The following RARB variants were observed in gnomAD, a reference collection of about 807,000 sequenced individuals.
RARB encodes retinoic acid receptor beta.
RARB carries 17 observed loss-of-function variants against 51.9 expected under a neutral mutation model. That is an observed-to-expected ratio of 0.33 (90% CI 0.22 to 0.49). The LOEUF (loss-of-function observed/expected upper bound fraction) is 0.49. Among genes scored for constraint, RARB ranks in the 20% least tolerant of loss-of-function variants. The pLI is 0.99. For missense variants in RARB, 369 were observed against 550.8 expected, an observed-to-expected ratio of 0.67 and a Z score of 3.30; for synonymous variants, 215 against 195.4, an observed-to-expected ratio of 1.10 and a Z score of -0.84.
chr3:25,585,525 A>ATTGTGCTG (rs1187002767), intron 5 of RARB, among the ~76,000 whole-genome samples: 2 of 152,256 alleles, frequency 1.3e-5, no homozygotes, highest in Non-Finnish European at 2.9e-5. Flanking sequence ...AAATTAAACC[A>ATTGTGCTG]TGTGGGAACA....
chr3:24,999,234 A>G (rs2125274051), intron 2 of RARB, among the ~76,000 whole-genome samples: 1 of 152,308 alleles, frequency 6.6e-6, no homozygotes, highest in Middle Eastern at 3.4e-3. Context: ...TTGCATTGCC[A>G]TGTAAAAACA....
At chr3:24,882,879 C>G (rs1703194651) in intron 2 of RARB, among the ~76,000 whole-genome samples, 1 of 152,194 alleles carries the variant, frequency 6.6e-6, no homozygotes, top group South Asian at 2.1e-4. Flanking sequence ...TGACAGAACT[C>G]TGACCAATTA....
chr3:25,306,502 TAAA>T (rs879672866), intron 5 of RARB, among the ~76,000 whole-genome samples: 1 of 142,704 alleles, frequency 7.0e-6, no homozygotes. Flanking sequence ...ATTCATTCTT[TAAA>T]AAAAAAAAAG....
chr3:25,518,725 A>G (rs1477463774), intron 3 of RARB, among the ~76,000 whole-genome samples: 2 of 152,012 alleles, frequency 1.3e-5, no homozygotes, highest in Non-Finnish European at 2.9e-5. Flanking sequence ...GGTATTGTCT[A>G]TTTCTGTTTG....
chr3:25,376,729 C>T (rs1706472406), intron 5 of RARB, among the ~76,000 whole-genome samples: 1 of 152,202 alleles, frequency 6.6e-6, no homozygotes, highest in Non-Finnish European at 1.5e-5. Flanking sequence ...CAGGCTATCC[C>T]AAGAATTGTT....
At chr3:25,393,358 G>C (rs566110193) in intron 5 of RARB, among the ~76,000 whole-genome samples, 1 of 151,322 alleles carries the variant, frequency 6.6e-6, no homozygotes, top group Non-Finnish European at 1.5e-5. Context: ...GTAGTTTTTT[G>C]TTATGTCCTT....
chr3:25,150,556 T>C (rs1277173473), intron 4 of RARB, among the ~76,000 whole-genome samples: 1 of 152,222 alleles, frequency 6.6e-6, no homozygotes, highest in Non-Finnish European at 1.5e-5. Flanking sequence ...TGGTAAACTA[T>C]GGACAAGAAA....
At chr3:24,979,605 T>G (rs1314055476) in intron 2 of RARB, among the ~76,000 whole-genome samples, 1 of 152,094 alleles carries the variant, frequency 6.6e-6, no homozygotes, top group African/African-American at 2.4e-5. Flanking sequence ...TTTTTGTTTT[T>G]TTTTGCTTTC....
chr3:25,584,770 T>C (rs1216309104), intron 5 of RARB, among the ~76,000 whole-genome samples: 2 of 152,148 alleles, frequency 1.3e-5, no homozygotes, highest in Non-Finnish European at 1.5e-5. Flanking sequence ...CTCTGTCTTG[T>C]CATGTAGCAC....
chr3:25,337,433 A>G (rs1321547955), intron 5 of RARB, among the ~76,000 whole-genome samples: 1 of 152,226 alleles, frequency 6.6e-6, no homozygotes, highest in Non-Finnish European at 1.5e-5. Context: ...AGAAGACCTC[A>G]TCTTACAGGG....
intron 5 of RARB, among the ~76,000 whole-genome samples, chr3:25,213,266 A>C (rs1701742769): frequency 6.6e-6 from 1 of 152,196 alleles, no homozygotes; most frequent in African/African-American, 2.4e-5. Context: ...TTCTGACAGC[A>C]TAGATCTGTA....
intron 5 of RARB, among the ~76,000 whole-genome samples, chr3:25,176,616 G>A (rs1310525810): frequency 6.6e-6 from 1 of 151,474 alleles, no homozygotes; most frequent in East Asian, 2.0e-4. Context: ...GAATAGTCTC[G>A]ATCTCTTGAC....
chr3:25,575,158 G>T (rs763675719), intron 4 of RARB, among the ~76,000 whole-genome samples: 3 of 152,084 alleles, frequency 2.0e-5, no homozygotes, highest in Admixed American at 6.6e-5. Flanking sequence ...TAGATCCCTC[G>T]CATGCGCACT....
chr3:25,496,988 G>A lies in RARB; in HGVS notation c.307-4194G>A, dbSNP rs1027601669. 2.6e-5 allele frequency among the ~76,000 whole-genome samples: 4 copies of A among 152,294 alleles called. No homozygotes were observed. In the East Asian group the frequency reaches 7.7e-4, roughly 29 times the overall value. On this transcript the variant is annotated intron_variant, in intron 2 of 7. Coordinates refer to ENST00000330688, the MANE Select transcript of RARB (RefSeq NM_000965.5). ...CAACCTCTGCCTCCCGGGTTCAAGC[G>A]ATTCTCCTGCCTCAGCCTCCCGAGT...
intron 5 of RARB, among the ~76,000 whole-genome samples, chr3:25,327,382 AG>A (rs1329643837): frequency 2.0e-5 from 3 of 152,160 alleles, no homozygotes; most frequent in Non-Finnish European, 4.4e-5. Flanking sequence ...CCAAAAAAGG[AG>A]GGGGAACATT....
At chr3:25,429,069 A>G (rs1391016961) in intron 1 of RARB, among the ~76,000 whole-genome samples, 181 bp downstream of exon 1, 2 of 152,104 alleles carry the variant, frequency 1.3e-5, no homozygotes, top group Non-Finnish European at 2.9e-5. Context: ...TTCCTGTTAG[A>G]TGTTTTCTTC....
In RARB at chr3:25,461,195, AT is replaced by A; in HGVS notation, c.162del (p.Ile54MetfsTer60). 6.2e-7 allele frequency: 1 copy of A among 1,607,810 alleles called. No homozygotes were observed. Among genetic ancestry groups the A allele is most frequent in the Non-Finnish European group, 8.5e-7 (1 of 1,177,682 alleles). ...CCTCTACCCCATCTCTATTATAGCA[AT>A]TGAAACACAGAGCACCAGCTCTGAG... is the stretch of plus-strand genomic sequence containing the variant. The part of the protein sequence containing the change: ...EWQHRHTAQS[I>X]ETQSTSSEEL... On this transcript the variant is annotated frameshift_variant, in exon 2 of 8. Coordinates refer to ENST00000330688, the MANE Select transcript of RARB (RefSeq NM_000965.5). LOFTEE classifies it high-confidence loss of function.
intron 2 of RARB, among the ~76,000 whole-genome samples, chr3:25,027,915 C>A (rs906255398): frequency 1.3e-5 from 2 of 152,060 alleles, no homozygotes; most frequent in Admixed American, 6.6e-5. Flanking sequence ...AAAAGAAAAA[C>A]GATGGTTGTG....
At chr3:25,499,172 C>A (rs114214803) in intron 2 of RARB, among the ~76,000 whole-genome samples, 1,892 of 152,276 alleles carry the variant, frequency 0.012, 15 homozygotes, top group Non-Finnish European at 0.018. Context: ...GTTACATGAG[C>A]ATTCTTTGCT....
Sources: gnomAD v4.1 joint callset for allele counts (sites outside exome capture counted in the v4.1 genomes callset) on GRCh38, gnomAD v4.1.1 for gene constraint, MANE v1.5 for transcripts, NCBI Gene and HGNC (gene_info 2026-07-23, HGNC 2026-07-21) for gene names.